ARHGAP26: variants seen among roughly 807,000 people sequenced by gnomAD.
ARHGAP26 encodes the protein Rho GTPase activating protein 26, also known as rho GTPase-activating protein 26.
ARHGAP26 carries 38 observed loss-of-function variants against 104.8 expected under a neutral mutation model. The observed-to-expected ratio is 0.36, with a 90% CI of 0.28 to 0.48. The LOEUF (loss-of-function observed/expected upper bound fraction) is 0.48. Among genes scored for constraint, ARHGAP26 ranks in the 20% least tolerant of loss-of-function variants. The probability of loss-of-function intolerance (pLI) is 0.99; values close to 1 mark genes in which losing one functional copy is unlikely to be tolerated. For missense variants in ARHGAP26, 704 were observed against 947.9 expected (o/e 0.74, Z 3.38); for synonymous variants, 341 against 340.0 (o/e 1.00, Z -0.03).
intron 20 of ARHGAP26, among the ~76,000 whole-genome samples, chr5:143,178,633 T>C (rs190149067): frequency 6.6e-6 from 1 of 152,370 alleles, no homozygotes; most frequent in East Asian, 1.9e-4. Flanking sequence ...TCTGTCGTTG[T>C]ACTTAACAAC....
chr5:142,811,250 C>T (rs1764015905), intron 1 of ARHGAP26, among the ~76,000 whole-genome samples: 3 of 152,002 alleles, frequency 2.0e-5, no homozygotes, highest in African/African-American at 7.3e-5. Flanking sequence ...GGCACTGGCC[C>T]CTTGAATAAC....
At chr5:143,213,232 G>C (rs987310029) in intron 21 of ARHGAP26, among the ~76,000 whole-genome samples, 13 of 152,178 alleles carry the variant, frequency 8.5e-5, no homozygotes, top group Non-Finnish European at 1.8e-4. Flanking sequence ...ATGCTCCCCA[G>C]GTGTTTCGGA....
intron 20 of ARHGAP26, among the ~76,000 whole-genome samples, chr5:143,175,988 C>T (rs1178006122): frequency 1.3e-5 from 2 of 152,038 alleles, no homozygotes; most frequent in African/African-American, 4.8e-5. Flanking sequence ...GTGGTGTGCC[C>T]CTGTAATCCC....
intron 20 of ARHGAP26, among the ~76,000 whole-genome samples, chr5:143,198,314 C>T (rs1025616262): frequency 1.3e-5 from 2 of 152,106 alleles, no homozygotes; most frequent in Non-Finnish European, 2.9e-5. Context: ...TTATAATGCC[C>T]CCAAAATGCT....
At chr5:143,064,204 C>T (rs1398043526) in intron 17 of ARHGAP26, among the ~76,000 whole-genome samples, 1 of 152,070 alleles carries the variant, frequency 6.6e-6, no homozygotes, top group African/African-American at 2.4e-5. Flanking sequence ...TGCCTTAGTT[C>T]CTAACAGTCC....
At chr5:142,915,970 T>C (rs1166868174) in intron 10 of ARHGAP26, among the ~76,000 whole-genome samples, 1 of 152,180 alleles carries the variant, frequency 6.6e-6, no homozygotes. Flanking sequence ...TGATTGCTGC[T>C]AGATGCCCTG....
In ARHGAP26 at chr5:142,882,935, A is replaced by T. The variant is rs140053068; in HGVS notation, c.385-2363A>T. On this transcript the variant is annotated intron_variant, in intron 4 of 22. Coordinates refer to ENST00000645722, the MANE Select transcript of ARHGAP26 (RefSeq NM_001135608.3). ...TATTGAGTTGGGAATAAATTTTAGGATTCTAACTCAATCCTTGACTTAACT... is the reference window on the plus strand; with the variant it reads ...TATTGAGTTGGGAATAAATTTTAGGTTTCTAACTCAATCCTTGACTTAACT... Among the ~76,000 whole-genome samples, 85 of 152,268 alleles carry T rather than the reference A, an allele frequency of 5.6e-4. 2 individuals are homozygous for T. The highest frequency in any genetic ancestry group is 1.9e-3 in the African/African-American group (79 of 41,542).
At chr5:143,158,122 T>G (rs1800729435) in intron 20 of ARHGAP26, among the ~76,000 whole-genome samples, 1 of 152,210 alleles carries the variant, frequency 6.6e-6, no homozygotes, top group Non-Finnish European at 1.5e-5. Context: ...GCTCTCAGAC[T>G]GCTCCCCCTA....
At chr5:143,086,728 G>A (rs1790634458) in intron 17 of ARHGAP26, among the ~76,000 whole-genome samples, 1 of 152,144 alleles carries the variant, frequency 6.6e-6, no homozygotes, top group Non-Finnish European at 1.5e-5. Flanking sequence ...GAGATGCTTT[G>A]GCTATAAATT....
At chr5:142,836,502 A>T (rs535115058) in intron 1 of ARHGAP26, among the ~76,000 whole-genome samples, 1 of 152,226 alleles carries the variant, frequency 6.6e-6, no homozygotes, top group Non-Finnish European at 1.5e-5. Flanking sequence ...TGAGGCTTCA[A>T]GTAAGAAGAA....
chr5:143,085,592 A>G lies in ARHGAP26; in HGVS notation c.1538+27845A>G, dbSNP rs561865262. On this transcript the variant is annotated intron_variant, in intron 17 of 22. Coordinates refer to ENST00000645722, the MANE Select transcript of ARHGAP26 (RefSeq NM_001135608.3). ...AAGCCAGATAATTAGTCTGAGTTTT[A>G]TAACTAGGCAGGCAACACTGAAAGT... Among the ~76,000 whole-genome samples the G allele has an allele frequency of 4.6e-5, 7 of 152,340 alleles. No individual in the cohort carries two copies. The South Asian group carries it at 1.4e-3, about 32-fold the overall frequency.
Position 142,899,021 on chromosome 5 carries a change from C to T in ARHGAP26, c.598-2914C>T, listed in dbSNP as rs563721505. ...GTGACTTCCTTTCCTCCTAGCTTCC[C>T]GTGGCTTGTGATCATGTTTGGCATT... On this transcript the variant is annotated intron_variant, in intron 6 of 22. Coordinates refer to ENST00000645722, the MANE Select transcript of ARHGAP26 (RefSeq NM_001135608.3). 5.3e-5 allele frequency among the ~76,000 whole-genome samples: 8 copies of T among 152,304 alleles called. No individual in the cohort carries two copies. In the East Asian group the frequency reaches 9.7e-4, roughly 18 times the overall value.
intron 12 of ARHGAP26, among the ~76,000 whole-genome samples, chr5:143,025,784 C>T (rs1442508129): frequency 6.6e-6 from 1 of 152,198 alleles, no homozygotes; most frequent in Non-Finnish European, 1.5e-5. Flanking sequence ...CGTGCTGTCA[C>T]CCTGGATGCC....
Position 143,147,954 on chromosome 5 carries a change from A to G in ARHGAP26, c.1988+573A>G, listed in dbSNP as rs372011011. Among the ~76,000 whole-genome samples the G allele has an allele frequency of 9.2e-5, 14 of 152,314 alleles. No individual in the cohort carries two copies. The South Asian group carries it at 2.7e-3, about 29-fold the overall frequency. On this transcript the variant is annotated intron_variant, in intron 20 of 22. Coordinates refer to ENST00000645722, the MANE Select transcript of ARHGAP26 (RefSeq NM_001135608.3). ...GCATTGAGCACCCATAGTCAGGACAATTAGTTTGGGGGCTGGTTGTCTAGC... is the reference window on the plus strand; with the variant it reads ...GCATTGAGCACCCATAGTCAGGACAGTTAGTTTGGGGGCTGGTTGTCTAGC...
In ARHGAP26 at chr5:142,903,270, GT is replaced by G. The variant is rs1030030279; in HGVS notation, c.703-269del. Reference sequence around the variant, plus strand: ...AAAACACACTTTTTGGCATCCAGAGGTGCTGAATTGATCTGTAGGAGTGAGG... The same window carrying G: ...AAAACACACTTTTTGGCATCCAGAGGGCTGAATTGATCTGTAGGAGTGAGG... On this transcript the variant is annotated intron_variant, in intron 7 of 22. Transcript: ENST00000645722. Among the ~76,000 whole-genome samples, 132 of 152,268 alleles carry G rather than the reference GT, an allele frequency of 8.7e-4. 1 individual carries two copies. The highest frequency in any genetic ancestry group is 2.9e-3 in the African/African-American group (122 of 41,550).
chr5:143,107,054 G>T (rs77626864), intron 17 of ARHGAP26, among the ~76,000 whole-genome samples: 1 of 152,160 alleles, frequency 6.6e-6, no homozygotes, highest in African/African-American at 2.4e-5. Context: ...ATGTATCTGT[G>T]TGTTATTTGC....
At chr5:142,986,000 A>G (rs1334971455) in intron 11 of ARHGAP26, among the ~76,000 whole-genome samples, 1 of 152,222 alleles carries the variant, frequency 6.6e-6, no homozygotes, top group East Asian at 1.9e-4. Context: ...AGCATGATTT[A>G]TAATTCCTTT....
At chr5:143,053,918 G>A (rs373626210) in intron 14 of ARHGAP26, among the ~76,000 whole-genome samples, 3 of 152,008 alleles carry the variant, frequency 2.0e-5, no homozygotes, top group Non-Finnish European at 2.9e-5. Flanking sequence ...TACAGTCATC[G>A]TTGTCATATA....
At chr5:142,923,961 G>A (rs557972582) in intron 10 of ARHGAP26, among the ~76,000 whole-genome samples, 11 of 147,722 alleles carry the variant, frequency 7.4e-5, no homozygotes, top group African/African-American at 2.3e-4. Flanking sequence ...CCCCGGGTTC[G>A]TGCCGTTCTC....
Sources: allele counts gnomAD v4.1 joint callset (sites outside exome capture counted in the v4.1 genomes callset), GRCh38; gene constraint gnomAD v4.1.1; transcripts MANE v1.5; gene names NCBI Gene and HGNC (gene_info 2026-07-23, HGNC 2026-07-21).